Variants in CDS1 observed in about 807,000 individuals in gnomAD.
CDS1 encodes phosphatidate cytidylyltransferase 1.
CDS1 carries 41 observed loss-of-function variants against 62.1 expected under a neutral mutation model. That is an observed-to-expected ratio of 0.66 (90% CI 0.51 to 0.86). The LOEUF is 0.86. Among genes scored for constraint, CDS1 ranks in the 40% least tolerant of loss-of-function variants. The pLI is 0.00. For synonymous variants in CDS1, 185 were observed against 192.6 expected (o/e 0.96, Z 0.32); for missense variants, 470 against 550.1 (o/e 0.85, Z 1.46).
chr4:84,641,529 T>A (rs1410301595), intron 10 of CDS1, among the ~76,000 whole-genome samples: 1 of 152,250 alleles, frequency 6.6e-6, no homozygotes. Flanking sequence ...GTTTAGAATG[T>A]GTTTCTCATA....
intron 1 of CDS1, among the ~76,000 whole-genome samples, chr4:84,591,662 A>G (rs1172288301): frequency 6.6e-6 from 1 of 152,212 alleles, no homozygotes; most frequent in Non-Finnish European, 1.5e-5. Flanking sequence ...TATATAGGCA[A>G]GGGAGATAGG....
At chr4:84,605,551 CATG>C (rs1440365438) in intron 2 of CDS1, among the ~76,000 whole-genome samples, 2 of 151,832 alleles carry the variant, frequency 1.3e-5, no homozygotes, top group African/African-American at 2.4e-5. Context: ...CTATGAAAAG[CATG>C]ATTATTTTAA....
intron 4 of CDS1, among the ~76,000 whole-genome samples, chr4:84,618,219 ATCCTTT>A (rs531914305): frequency 2.6e-4 from 40 of 152,272 alleles, no homozygotes; most frequent in Admixed American, 8.5e-4. Flanking sequence ...CCAAGTGGCC[ATCCTTT>A]TTAATATAGT....
At chr4:84,635,456 G>T in intron 8 of CDS1, 105 bp downstream of exon 8, 1 of 735,950 alleles carries the variant, frequency 1.4e-6, no homozygotes, top group Non-Finnish European at 2.4e-6. Context: ...TTTTTGAGGT[G>T]CTTTGATTTT....
In CDS1 at chr4:84,583,327, C is replaced by G; in HGVS notation, c.-75C>G. On this transcript the variant is annotated 5_prime_UTR_variant, in exon 1 of 13. Coordinates refer to ENST00000295887, the MANE Select transcript of CDS1 (RefSeq NM_001263.4). ...GCGGCTGCGAGGTGGCGGGGCGCCC[C>G]GCCTGCAGAACCCTGCTTGCAGCTC... is the stretch of plus-strand genomic sequence containing the variant. 1.8e-6 allele frequency: 2 copies of G among 1,115,666 alleles called. No individual in the cohort carries two copies. The highest frequency in any genetic ancestry group is 1.3e-6 in the Non-Finnish European group (1 of 764,706). 69.1% of individuals were successfully genotyped at this position (1,115,666 alleles called of 1,614,324 possible).
intron 1 of CDS1, among the ~76,000 whole-genome samples, chr4:84,597,835 C>G (rs1482960838): frequency 6.6e-6 from 1 of 151,816 alleles, no homozygotes; most frequent in African/African-American, 2.4e-5. Flanking sequence ...TGTATGAAAA[C>G]CATGAAGAAG....
intron 3 of CDS1, among the ~76,000 whole-genome samples, chr4:84,617,201 G>T (rs1037652928): frequency 6.6e-6 from 1 of 152,162 alleles, no homozygotes; most frequent in East Asian, 1.9e-4. Flanking sequence ...TAATGGACAG[G>T]TTGGACAAAA....
chr4:84,645,821 A>G (rs9884216), intron 12 of CDS1, among the ~76,000 whole-genome samples: 1 of 152,226 alleles, frequency 6.6e-6, no homozygotes. Flanking sequence ...GACAATAAAC[A>G]AATAAATATA....
At position 84,583,423 on chromosome 4, in the gene CDS1, G is replaced by C; in HGVS notation, c.22G>C (p.Gly8Arg). The C allele has an allele frequency of 6.2e-7, 1 of 1,600,456 alleles. No homozygotes were observed. Among genetic ancestry groups the C allele is most frequent in the Non-Finnish European group, 8.5e-7 (1 of 1,174,404 alleles). Residue 8 changes from glycine to arginine, a missense_variant, in exon 1 of 13, where the codon GGA becomes CGA. By Grantham distance (125) the Gly-to-Arg change is moderately radical. Around this residue, in one of 5 missense-constraint regions of CDS1, gnomAD observed 150 missense variants for 142.0 expected, o/e 1.06. Transcript: ENST00000295887. MLELRHRGSCPGPREAVS... is the reference protein window; with the variant it reads MLELRHRRSCPGPREAVS... ...GAAGATGTTGGAGCTGAGGCACCGG[G>C]GAAGCTGCCCCGGCCCCAGGGAAGC...
At chr4:84,598,652 A>G (rs1239030937) in intron 1 of CDS1, among the ~76,000 whole-genome samples, 2 of 152,016 alleles carry the variant, frequency 1.3e-5, no homozygotes, top group Non-Finnish European at 2.9e-5. Context: ...TAATTAATTT[A>G]TTTTCAGGTG....
intron 11 of CDS1, among the ~76,000 whole-genome samples, chr4:84,643,685 G>A (rs948418270): frequency 6.6e-6 from 1 of 152,156 alleles, no homozygotes; most frequent in African/African-American, 2.4e-5. Context: ...TCAATGAATG[G>A]GCATGGCTGG....
At chr4:84,595,578 C>T (rs185410300) in intron 1 of CDS1, among the ~76,000 whole-genome samples, 5 of 152,068 alleles carry the variant, frequency 3.3e-5, no homozygotes, top group African/African-American at 4.8e-5. Context: ...GTTAAATTCA[C>T]GAATATGGAA....
At chr4:84,628,365 T>C (rs1723919453) in intron 5 of CDS1, among the ~76,000 whole-genome samples, 2 of 152,218 alleles carry the variant, frequency 1.3e-5, no homozygotes, top group Admixed American at 6.5e-5. Context: ...GCCTATCTTA[T>C]TCATTTTTGC....
chr4:84,635,418 C>T (rs760629917), intron 8 of CDS1, 67 bp downstream of exon 8: 34 of 807,354 alleles, frequency 4.2e-5, no homozygotes, highest in Admixed American at 2.0e-4. Context: ...AGAACATTTC[C>T]AACAACTGTG....
intron 5 of CDS1, among the ~76,000 whole-genome samples, chr4:84,625,273 A>G (rs1445917241): frequency 6.6e-6 from 1 of 152,222 alleles, no homozygotes; most frequent in East Asian, 1.9e-4. Context: ...CATCAAAGTC[A>G]TTCTTAGAGC....
intron 3 of CDS1, among the ~76,000 whole-genome samples, chr4:84,610,584 G>C (rs765081011): frequency 3.9e-5 from 6 of 152,176 alleles, no homozygotes; most frequent in Non-Finnish European, 7.3e-5. Flanking sequence ...AAATGTACCT[G>C]TCTCTGCCCT....
chr4:84,586,436 T>G (rs915816358), intron 1 of CDS1, among the ~76,000 whole-genome samples: 1 of 152,094 alleles, frequency 6.6e-6, no homozygotes, highest in Admixed American at 6.5e-5. Context: ...AGGCCTTAGA[T>G]TCTCATAAGG....
At chr4:84,596,607 A>G (rs534957434) in intron 1 of CDS1, among the ~76,000 whole-genome samples, 1 of 152,352 alleles carries the variant, frequency 6.6e-6, no homozygotes, top group Admixed American at 6.5e-5. Context: ...CACCACGTCA[A>G]GATCAGTTGA....
At chr4:84,596,364 C>T (rs991601557) in intron 1 of CDS1, among the ~76,000 whole-genome samples, 4 of 152,172 alleles carry the variant, frequency 2.6e-5, no homozygotes, top group African/African-American at 7.2e-5. Context: ...GAAGATGTCC[C>T]GGTAGGACCA....
Sources: allele counts gnomAD v4.1 joint callset (sites outside exome capture counted in the v4.1 genomes callset), GRCh38; gene constraint gnomAD v4.1.1; regional missense constraint gnomAD v4.1.1; transcripts MANE v1.5; gene names NCBI Gene and HGNC (gene_info 2026-07-23, HGNC 2026-07-21).